ERBB4: variants seen among roughly 807,000 people sequenced by gnomAD.
ERBB4 encodes erb-b2 receptor tyrosine kinase 4, also known as receptor tyrosine-protein kinase erbB-4.
ERBB4 carries 42 observed loss-of-function variants against 158.0 expected under a neutral mutation model. The ratio of observed to expected loss-of-function variants is 0.27; its 90% CI spans 0.21 to 0.34. The LOEUF (loss-of-function observed/expected upper bound fraction) is 0.34. Among genes scored for constraint, ERBB4 ranks in the 10% least tolerant of loss-of-function variants. The pLI, the probability that ERBB4 is intolerant of heterozygous loss-of-function variation, is 1.00. For missense variants in ERBB4, 1,333 were observed against 1,624.1 expected (o/e 0.82, Z 3.08); for synonymous variants, 583 against 558.7 (o/e 1.04, Z -0.61).
chr2:211,950,487 A>G (rs2080844535), intron 2 of ERBB4, among the ~76,000 whole-genome samples: 1 of 152,174 alleles, frequency 6.6e-6, no homozygotes, highest in African/African-American at 2.4e-5. Flanking sequence ...TCAAAATGGG[A>G]AAATATAACA....
chr2:211,898,767 G>T (rs2079160083), intron 3 of ERBB4, among the ~76,000 whole-genome samples: 1 of 152,142 alleles, frequency 6.6e-6, no homozygotes, highest in Non-Finnish European at 1.5e-5. Flanking sequence ...AATGGGAATA[G>T]AATTAGTAAT....
At chr2:211,505,668 T>C (rs2125600676) in intron 20 of ERBB4, among the ~76,000 whole-genome samples, 1 of 152,022 alleles carries the variant, frequency 6.6e-6, no homozygotes, top group Middle Eastern at 3.4e-3. Flanking sequence ...CACTTAAAAG[T>C]TATAGACAGG....
chr2:211,801,437 T>C (rs2076495908), intron 3 of ERBB4, among the ~76,000 whole-genome samples: 1 of 152,124 alleles, frequency 6.6e-6, no homozygotes, highest in Non-Finnish European at 1.5e-5. Context: ...TCTTTAGACA[T>C]GCCTATTAGC....
chr2:212,079,852 C>CAGAT (rs144350836), intron 2 of ERBB4, among the ~76,000 whole-genome samples: 1 of 152,052 alleles, frequency 6.6e-6, no homozygotes, highest in Non-Finnish European at 1.5e-5. Context: ...CTATTTTATT[C>CAGAT]AGATAGATAG....
chr2:211,801,550 A>G (rs1213662692), intron 3 of ERBB4, among the ~76,000 whole-genome samples: 2 of 152,190 alleles, frequency 1.3e-5, no homozygotes, highest in East Asian at 1.9e-4. Flanking sequence ...GTGCTGAGTT[A>G]AAAGGTAATA....
chr2:212,102,989 T>A (rs2079126733), intron 2 of ERBB4, among the ~76,000 whole-genome samples: 1 of 152,158 alleles, frequency 6.6e-6, no homozygotes, highest in Non-Finnish European at 1.5e-5. Context: ...TCTTCTCCAC[T>A]TCTATACTCC....
At chr2:212,312,240 G>A (rs2087078362) in intron 1 of ERBB4, among the ~76,000 whole-genome samples, 1 of 150,960 alleles carries the variant, frequency 6.6e-6, no homozygotes, top group South Asian at 2.1e-4. Context: ...TGGTGAAACT[G>A]GGGAATTCCT....
At chr2:211,996,490 A>G (rs2082203461) in intron 2 of ERBB4, among the ~76,000 whole-genome samples, 1 of 152,172 alleles carries the variant, frequency 6.6e-6, no homozygotes, top group South Asian at 2.1e-4. Context: ...TATAAGGGAG[A>G]TATTACCATA....
Position 211,379,801 on chromosome 2 carries a change from G to A in ERBB4, c.*3814C>T. ...GAATAATTCCAGTTTTGAAATAAAG[G>A]TTAGAGAGCTCTAGAAAAACTTGTA... On this transcript the variant is annotated 3_prime_UTR_variant, in exon 28 of 28. Transcript: ENST00000342788. 4.3e-6 allele frequency: 1 copy of A among 231,046 alleles called. No homozygotes were observed. Among genetic ancestry groups the A allele is most frequent in the Non-Finnish European group, 8.5e-6 (1 of 117,266 alleles). 14.3% of individuals were successfully genotyped at this position (231,046 alleles called of 1,614,324 possible). A position where few individuals can be genotyped will look rare whatever the true frequency, so the allele number is the denominator to read the frequency against.
chr2:211,474,099 A>G (rs560540450), intron 20 of ERBB4, among the ~76,000 whole-genome samples: 1 of 152,062 alleles, frequency 6.6e-6, no homozygotes, highest in East Asian at 1.9e-4. Flanking sequence ...TCTTTCTCTC[A>G]CTTATGAAGT....
At chr2:212,086,698 A>C (rs1575612836) in intron 2 of ERBB4, among the ~76,000 whole-genome samples, 1 of 152,030 alleles carries the variant, frequency 6.6e-6, no homozygotes. Flanking sequence ...AAAACTCCAC[A>C]CTTTGTATCA....
chr2:211,991,633 G>A (rs993008517), intron 2 of ERBB4, among the ~76,000 whole-genome samples: 29 of 152,074 alleles, frequency 1.9e-4, no homozygotes, highest in Admixed American at 1.7e-3. Context: ...AGGGGAGAAC[G>A]ACTATTGTAA....
chr2:211,774,514 A>G (rs1318368486), intron 4 of ERBB4, among the ~76,000 whole-genome samples: 1 of 152,070 alleles, frequency 6.6e-6, no homozygotes, highest in Non-Finnish European at 1.5e-5. Context: ...GGTCAATTTC[A>G]CTGGTTAAAA....
intron 1 of ERBB4, among the ~76,000 whole-genome samples, chr2:212,397,169 G>A (rs2091052696): frequency 1.3e-5 from 2 of 151,914 alleles, no homozygotes; most frequent in Non-Finnish European, 2.9e-5. Context: ...ATATCAGAAT[G>A]GCCTTTTAAA....
At chr2:212,379,720 A>T (rs1384493519) in intron 1 of ERBB4, among the ~76,000 whole-genome samples, 3 of 151,516 alleles carry the variant, frequency 2.0e-5, no homozygotes, top group African/African-American at 7.3e-5. Context: ...AGAATCTTAA[A>T]AATTAATCCC....
At position 211,383,555 on chromosome 2, in the gene ERBB4, A is replaced by C. The variant is rs2062614744; in HGVS notation, c.*60T>G. 7.1e-7 allele frequency: 1 copy of C among 1,409,906 alleles called. No individual in the cohort carries two copies. The allele number at this position is 1,409,906 out of a possible 1,614,324, so 87.3% of individuals were successfully genotyped here. A position where few individuals can be genotyped will look rare whatever the true frequency, so the allele number is the denominator to read the frequency against. On this transcript the variant is annotated 3_prime_UTR_variant, in exon 28 of 28. Coordinates refer to ENST00000342788, the MANE Select transcript of ERBB4 (RefSeq NM_005235.3). ...GTAGAAGGAAGACCACCAGAGAAAG[A>C]GAGGGGGGTGGGGAAATTGGAGCAG...
intron 3 of ERBB4, among the ~76,000 whole-genome samples, chr2:211,920,698 T>C (rs150157237): frequency 6.9e-6 from 1 of 144,938 alleles, no homozygotes; most frequent in Admixed American, 7.3e-5. Flanking sequence ...TGATATTTCT[T>C]GGAGAGCTGT....
At chr2:211,848,684 T>A (rs1045024112) in intron 3 of ERBB4, among the ~76,000 whole-genome samples, 1 of 152,192 alleles carries the variant, frequency 6.6e-6, no homozygotes, top group East Asian at 1.9e-4. Flanking sequence ...CCACAAAAAG[T>A]ACTATGCAGG....
intron 3 of ERBB4, among the ~76,000 whole-genome samples, chr2:211,821,536 C>T (rs2076994487): frequency 6.6e-6 from 1 of 151,752 alleles, no homozygotes; most frequent in South Asian, 2.1e-4. Context: ...TTGTATGAAA[C>T]CACAAATGAC....
Sources: allele counts gnomAD v4.1 joint callset (sites outside exome capture counted in the v4.1 genomes callset), GRCh38; gene constraint gnomAD v4.1.1; transcripts MANE v1.5; gene names NCBI Gene and HGNC (gene_info 2026-07-23, HGNC 2026-07-21).